Variants in AGBL3 observed in about 807,000 individuals in gnomAD.
AGBL3 encodes AGBL carboxypeptidase 3, also known as cytosolic carboxypeptidase 3.
A neutral mutation model predicts 94.5 loss-of-function variants in AGBL3; 68 were observed. The ratio of observed to expected loss-of-function variants is 0.72; its 90% confidence interval spans 0.59 to 0.88. The LOEUF (loss-of-function observed/expected upper bound fraction) is 0.88. Ranked by LOEUF, AGBL3 falls within the 40% of genes least tolerant of loss-of-function variation. The pLI, the probability that AGBL3 is intolerant of heterozygous loss-of-function variation, is 0.00. For missense variants in AGBL3, 934 were observed against 1,103.8 expected, an observed-to-expected ratio of 0.85 and a Z score of 2.18; for synonymous variants, 354 against 370.7, an observed-to-expected ratio of 0.95 and a Z score of 0.52.
intron 4 of AGBL3, among the ~76,000 whole-genome samples, chr7:135,012,955 A>C (rs1813340792): frequency 6.6e-6 from 1 of 152,144 alleles, no homozygotes; most frequent in South Asian, 2.1e-4. Context: ...ACTTCATCAA[A>C]ATTTAAAATT....
chr7:135,019,704 G>T (rs1814213786), intron 5 of AGBL3, among the ~76,000 whole-genome samples: 1 of 152,082 alleles, frequency 6.6e-6, no homozygotes, highest in African/African-American at 2.4e-5. Context: ...CACGGTACTG[G>T]TACCAAAACA....
chr7:135,073,144 G>C (rs907991354), intron 12 of AGBL3, among the ~76,000 whole-genome samples: 3 of 151,966 alleles, frequency 2.0e-5, no homozygotes, highest in African/African-American at 4.8e-5. Flanking sequence ...TCATTACCAG[G>C]GGTCGGGGAG....
At chr7:135,077,611 T>C (rs1820574042) in intron 13 of AGBL3, among the ~76,000 whole-genome samples, 1 of 152,100 alleles carries the variant, frequency 6.6e-6, no homozygotes, top group Non-Finnish European at 1.5e-5. Flanking sequence ...AGGACAAATA[T>C]ATTACTGGTG....
intron 15 of AGBL3, among the ~76,000 whole-genome samples, chr7:135,102,461 A>C (rs1446059084): frequency 6.6e-6 from 1 of 152,210 alleles, no homozygotes; most frequent in Non-Finnish European, 1.5e-5. Context: ...TACTCCATTG[A>C]CATAATCCAA....
intron 4 of AGBL3, among the ~76,000 whole-genome samples, chr7:135,005,482 T>G (rs1812274395): frequency 6.6e-6 from 1 of 151,704 alleles, no homozygotes; most frequent in African/African-American, 2.4e-5. Context: ...AATCAAGAAA[T>G]ATACCATGTT....
intron 12 of AGBL3, among the ~76,000 whole-genome samples, chr7:135,064,691 G>A (rs1213423667): frequency 4.6e-5 from 7 of 152,182 alleles, no homozygotes; most frequent in African/African-American, 2.4e-5. Flanking sequence ...TTTGGGACCT[G>A]AGCATCTGGA....
At chr7:135,108,604 G>T (rs917853226) in intron 15 of AGBL3, among the ~76,000 whole-genome samples, 21 of 152,130 alleles carry the variant, frequency 1.4e-4, no homozygotes, top group African/African-American at 5.1e-4. Flanking sequence ...TAGGTGACCT[G>T]CCCTTTCTCT....
At chr7:135,034,120 C>CT (rs752416451) in intron 6 of AGBL3, 29 bp from the exon 7 acceptor site, 1 of 1,367,944 alleles carries the variant, frequency 7.3e-7, no homozygotes, top group South Asian at 2.1e-5. Context: ...TTCTTACGTG[C>CT]TTTTTTCCCT....
chr7:135,093,946 T>C (rs1351906557), intron 15 of AGBL3: 2 of 168,838 alleles, frequency 1.2e-5, no homozygotes, highest in Non-Finnish European at 2.5e-5. Flanking sequence ...AACCTTTATA[T>C]ATATTTCAAT....
intron 4 of AGBL3, among the ~76,000 whole-genome samples, chr7:134,995,938 A>T (rs1810958652): frequency 6.6e-6 from 1 of 152,202 alleles, no homozygotes; most frequent in Non-Finnish European, 1.5e-5. Context: ...CTTCTCCCAC[A>T]TGTGTCCTTG....
At chr7:135,100,313 A>G (rs1168245267) in intron 15 of AGBL3, among the ~76,000 whole-genome samples, 1 of 152,196 alleles carries the variant, frequency 6.6e-6, no homozygotes, top group Non-Finnish European at 1.5e-5. Flanking sequence ...GGATAAAACT[A>G]ATACTAAAAA....
intron 5 of AGBL3, among the ~76,000 whole-genome samples, chr7:135,031,182 T>G (rs1356242321): frequency 2.0e-5 from 3 of 152,232 alleles, no homozygotes; most frequent in Non-Finnish European, 2.9e-5. Flanking sequence ...CCTGCTTCTC[T>G]GAATGCTTTA....
intron 8 of AGBL3, among the ~76,000 whole-genome samples, chr7:135,040,963 A>C (rs1816802276): frequency 6.6e-6 from 1 of 152,158 alleles, no homozygotes; most frequent in Admixed American, 6.6e-5. Context: ...CCCACAAAAA[A>C]CAATTGCATT....
At chr7:135,059,303 A>G (rs1818619264) in intron 12 of AGBL3, 68 bp downstream of exon 12, 6 of 1,089,770 alleles carry the variant, frequency 5.5e-6, no homozygotes, top group South Asian at 1.7e-5. Flanking sequence ...GTGACTAATA[A>G]TCAGGCAAAA....
intron 13 of AGBL3, among the ~76,000 whole-genome samples, chr7:135,079,311 C>G (rs898207503): frequency 2.0e-5 from 3 of 152,066 alleles, no homozygotes; most frequent in African/African-American, 7.2e-5. Context: ...AATGTTTCTT[C>G]CTTTCTTCAA....
intron 12 of AGBL3, among the ~76,000 whole-genome samples, chr7:135,069,745 G>C (rs1431996858): frequency 1.3e-5 from 2 of 152,060 alleles, no homozygotes; most frequent in Non-Finnish European, 2.9e-5. Flanking sequence ...GAAATTTATA[G>C]CACTAAATGC....
chr7:135,009,963 G>A (rs1181655629), intron 4 of AGBL3: 3 of 424,176 alleles, frequency 7.1e-6, no homozygotes, highest in Admixed American at 2.8e-5. Context: ...GTGGGTTGGC[G>A]AAAAGTCATT....
chr7:135,105,663 G>A (rs963878244), intron 15 of AGBL3, among the ~76,000 whole-genome samples: 1 of 152,144 alleles, frequency 6.6e-6, no homozygotes, highest in African/African-American at 2.4e-5. Context: ...GTCAGGTAAC[G>A]TGATGCCTCC....
chr7:135,081,900 T>C, intron 15 of AGBL3, 110 bp downstream of exon 15: 1 of 655,362 alleles, frequency 1.5e-6, no homozygotes, highest in Non-Finnish European at 2.4e-6. Flanking sequence ...ATTTACTGTA[T>C]GTCAATTTGC....
Sources: allele counts gnomAD v4.1 joint callset (sites outside exome capture counted in the v4.1 genomes callset), GRCh38; gene constraint gnomAD v4.1.1; transcripts MANE v1.5; gene names NCBI Gene and HGNC (gene_info 2026-07-23, HGNC 2026-07-21).